Variants in CSMD3 observed in about 807,000 individuals in gnomAD.
CSMD3 encodes CUB and Sushi multiple domains 3.
CSMD3 carries 177 observed loss-of-function variants against 435.2 expected under a neutral mutation model. The ratio of observed to expected loss-of-function variants is 0.41; its 90% CI spans 0.36 to 0.46. The LOEUF (loss-of-function observed/expected upper bound fraction) is 0.46. CSMD3 is among the 20% of genes least tolerant of loss of function. CSMD3 has a pLI of 0.34. For synonymous variants in CSMD3, 1,656 were observed against 1,520.5 expected, an observed-to-expected ratio of 1.09 and a Z score of -2.07; for missense variants, 4,265 against 4,504.6, an observed-to-expected ratio of 0.95 and a Z score of 1.52.
chr8:113,264,488 G>C (rs1052640764), intron 3 of CSMD3, among the ~76,000 whole-genome samples: 2 of 151,030 alleles, frequency 1.3e-5, no homozygotes, highest in Non-Finnish European at 3.0e-5. Flanking sequence ...ATGAAATAAA[G>C]CCTTTTATGC....
rs766051907 is a variant in CSMD3 at position 112,289,376 on chromosome 8, G to T, written c.9137C>A (p.Pro3046His). ...QLNGHWSGSQ[P>H]HCSGDATGTC... Reference sequence around the variant, plus strand: ...TTTCCAAGTGGTACCTGAACAATGAGGTTGTGATCCACTCCAATGGCCATT... The same window carrying T: ...TTTCCAAGTGGTACCTGAACAATGATGTTGTGATCCACTCCAATGGCCATT... The change falls in exon 57 of 71, where the codon CCT becomes CAT. Residue 3046 changes from proline (P) to histidine (H), a missense_variant. By Grantham distance (77) the Pro-to-His change is moderately conservative. Around this residue, in one of 3 missense-constraint regions of CSMD3, gnomAD observed 3,255 missense variants for 3,380.2 expected, o/e 0.96. Coordinates refer to ENST00000297405, the MANE Select transcript of CSMD3 (RefSeq NM_198123.2). 6.2e-7 allele frequency: 1 copy of T among 1,613,054 alleles called. No individual in the cohort carries two copies. The highest frequency in any genetic ancestry group is 8.5e-7 in the Non-Finnish European group (1 of 1,179,312).
rs139121485 is a variant in CSMD3 at position 113,350,950 on chromosome 8, T to G, written c.179-36157A>C. Among the ~76,000 whole-genome samples, 23 of 152,118 alleles carry G rather than the reference T, an allele frequency of 1.5e-4. No individual in the cohort carries two copies. The East Asian group carries it at 4.1e-3, about 27-fold the overall frequency. On this transcript the variant is annotated intron_variant, in intron 1 of 70. Transcript: ENST00000297405. The stretch of plus-strand genomic sequence containing the variant: ...ACCCCTTATGTTCTTTAGATCTAAT[T>G]TCCATGTACATTAAAAAAAAAACTG...
chr8:112,508,122 A>G (rs1798588049), intron 28 of CSMD3, among the ~76,000 whole-genome samples: 1 of 152,034 alleles, frequency 6.6e-6, no homozygotes, highest in African/African-American at 2.4e-5. Context: ...CCTCTCCCTT[A>G]TCCAAAACAC....
intron 16 of CSMD3, among the ~76,000 whole-genome samples, chr8:112,668,248 T>A (rs2131717625): frequency 6.6e-6 from 1 of 152,286 alleles, no homozygotes. Context: ...GGGTTATGTA[T>A]TTCAAAAATG....
intron 32 of CSMD3, among the ~76,000 whole-genome samples, chr8:112,424,894 G>A (rs1176852264): frequency 6.6e-6 from 1 of 152,172 alleles, no homozygotes; most frequent in Non-Finnish European, 1.5e-5. Context: ...GTTTCACCAT[G>A]TTGGCCAGGA....
intron 40 of CSMD3, among the ~76,000 whole-genome samples, chr8:112,346,519 C>T (rs1353436956): frequency 6.6e-6 from 1 of 151,986 alleles, no homozygotes; most frequent in Admixed American, 6.6e-5. Flanking sequence ...TTTGCCACAG[C>T]GGGCACTTTA....
At position 113,226,523 on chromosome 8, in the gene CSMD3, C is replaced by T. The variant is rs1046599581; in HGVS notation, c.514+52069G>A. Among the ~76,000 whole-genome samples the T allele has an allele frequency of 2.0e-5, 3 of 151,542 alleles. No individual in the cohort carries two copies. In the Admixed American group the frequency reaches 2.0e-4, roughly 10 times the overall value. ...GAGTCATTTCTATCATGCATATGGT[C>T]CATCCCTTGGTTCGTTTTTCTGGCC... On this transcript the variant is annotated intron_variant, in intron 3 of 70. Transcript: ENST00000297405.
Position 113,325,101 on chromosome 8 carries a change from T to C in CSMD3, c.179-10308A>G, listed in dbSNP as rs182065781. On this transcript the variant is annotated intron_variant, in intron 1 of 70. Coordinates refer to ENST00000297405, the MANE Select transcript of CSMD3 (RefSeq NM_198123.2). ...GCTTTTGATTTTACAAGCTCACAGATGGAAAGGACTTGCCTTGTGTCAGAT... is the reference window on the plus strand; with the variant it reads ...GCTTTTGATTTTACAAGCTCACAGACGGAAAGGACTTGCCTTGTGTCAGAT... Among the ~76,000 whole-genome samples the C allele has an allele frequency of 3.0e-3, 450 of 152,352 alleles. 3 individuals carry two copies. Among genetic ancestry groups the C allele is most frequent in the Admixed American group, 4.8e-3 (73 of 15,304 alleles).
intron 1 of CSMD3, among the ~76,000 whole-genome samples, chr8:113,427,750 C>T (rs931924734): frequency 6.6e-6 from 1 of 151,582 alleles, no homozygotes; most frequent in Non-Finnish European, 1.5e-5. Flanking sequence ...AAATCTAATG[C>T]ACATTTCCTG....
At chr8:112,282,620 A>T (rs1818772551) in intron 58 of CSMD3, among the ~76,000 whole-genome samples, 1 of 152,116 alleles carries the variant, frequency 6.6e-6, no homozygotes, top group African/African-American at 2.4e-5. Flanking sequence ...GATATGGCCA[A>T]ATCGTACTGT....
chr8:113,422,271 C>G (rs1395570050), intron 1 of CSMD3, among the ~76,000 whole-genome samples: 1 of 152,096 alleles, frequency 6.6e-6, no homozygotes, highest in Non-Finnish European at 1.5e-5. Flanking sequence ...TTCAGAGCAC[C>G]TTCAAAGAGG....
chr8:112,552,175 G>A (rs973048283), intron 26 of CSMD3, among the ~76,000 whole-genome samples: 3 of 151,910 alleles, frequency 2.0e-5, no homozygotes, highest in Admixed American at 1.3e-4. Context: ...GATGCACTAG[G>A]GTAATAATTT....
intron 2 of CSMD3, among the ~76,000 whole-genome samples, chr8:113,292,483 T>C (rs1469598836): frequency 6.6e-6 from 1 of 151,856 alleles, no homozygotes; most frequent in Admixed American, 6.6e-5. Context: ...AAACTAAATA[T>C]TATGAAGAGA....
intron 6 of CSMD3, among the ~76,000 whole-genome samples, chr8:112,992,293 G>A (rs930994148): frequency 6.6e-6 from 1 of 150,412 alleles, no homozygotes; most frequent in Admixed American, 6.7e-5. Context: ...ATTAAGTGTT[G>A]GATGTATTCT....
At chr8:112,717,998 G>T (rs1416665058) in intron 13 of CSMD3, among the ~76,000 whole-genome samples, 1 of 152,056 alleles carries the variant, frequency 6.6e-6, no homozygotes, top group African/African-American at 2.4e-5. Flanking sequence ...GTTGATAGGT[G>T]CAGGAAGCCA....
intron 23 of CSMD3, among the ~76,000 whole-genome samples, chr8:112,579,565 G>A (rs1830192631): frequency 6.6e-6 from 1 of 151,902 alleles, no homozygotes; most frequent in Non-Finnish European, 1.5e-5. Flanking sequence ...TATAATTTAA[G>A]TTAATTTAAT....
chr8:112,909,682 A>C lies in CSMD3; in HGVS notation c.1633+11945T>G, dbSNP rs1265432839. ...GGAATAAATAAGCTAAAGATGGCTG[A>C]AAAGGGACAGTGGGAGTGCAAATGA... On this transcript the variant is annotated intron_variant, in intron 10 of 70. Transcript: ENST00000297405. Among the ~76,000 whole-genome samples the C allele has an allele frequency of 2.6e-5, 4 of 151,772 alleles. No individual in the cohort carries two copies. In the East Asian group the frequency reaches 5.8e-4, roughly 22 times the overall value.
intron 6 of CSMD3, among the ~76,000 whole-genome samples, chr8:113,016,346 T>A (rs182213750): frequency 6.6e-6 from 1 of 151,976 alleles, no homozygotes; most frequent in East Asian, 1.9e-4. Flanking sequence ...ATCTAAAGCA[T>A]TCAGGAAGCT....
chr8:112,889,465 T>G (rs1352301638), intron 10 of CSMD3, among the ~76,000 whole-genome samples: 1 of 151,638 alleles, frequency 6.6e-6, no homozygotes, highest in African/African-American at 2.4e-5. Flanking sequence ...TCAAATGAGG[T>G]GATTCACACA....
Sources: gnomAD v4.1 joint callset for allele counts (sites outside exome capture counted in the v4.1 genomes callset) on GRCh38, gnomAD v4.1.1 for gene constraint, gnomAD v4.1.1 regional missense constraint, MANE v1.5 for transcripts, NCBI Gene and HGNC (gene_info 2026-07-23, HGNC 2026-07-21) for gene names.